The following SMC3 variants were observed in gnomAD, a reference collection of about 807,000 sequenced individuals.
SMC3 encodes structural maintenance of chromosomes 3.
In SMC3, 20 loss-of-function variants were observed where a neutral mutation model predicts 171.8. That is an observed-to-expected ratio of 0.12 (90% CI 0.08 to 0.17). The LOEUF is 0.17. Among genes scored for constraint, SMC3 ranks in the 10% least tolerant of loss-of-function variants. The pLI, the probability that SMC3 is intolerant of heterozygous loss-of-function variation, is 1.00. For missense variants in SMC3, 543 were observed against 1,420.4 expected (o/e 0.38, Z 9.93); for synonymous variants, 464 against 451.1 (o/e 1.03, Z -0.36).
intron 2 of SMC3, among the ~76,000 whole-genome samples, chr10:110,571,640 T>C (rs1860874439): frequency 6.6e-6 from 1 of 152,200 alleles, no homozygotes; most frequent in African/African-American, 2.4e-5. Context: ...CTACCAGAGG[T>C]ATTAGGAGAC....
intron 18 of SMC3, among the ~76,000 whole-genome samples, chr10:110,595,637 G>A (rs963033990): frequency 6.6e-6 from 1 of 152,124 alleles, no homozygotes; most frequent in African/African-American, 2.4e-5. Flanking sequence ...TTTCAAAATG[G>A]TGATTCATAA....
At chr10:110,600,895 A>T (rs1335320712) in intron 22 of SMC3, 127 bp from the exon 23 acceptor site, 1 of 710,362 alleles carries the variant, frequency 1.4e-6, no homozygotes, top group East Asian at 2.7e-5. Context: ...GATACTTCTA[A>T]GTATTTGTAA....
At chr10:110,585,704 C>T (rs1861102335) in intron 13 of SMC3, among the ~76,000 whole-genome samples, 1 of 151,598 alleles carries the variant, frequency 6.6e-6, no homozygotes, top group Non-Finnish European at 1.5e-5. Flanking sequence ...TTTTTCTTGA[C>T]TTTTGGGACT....
At chr10:110,570,500 T>TA (rs1860854721) in intron 2 of SMC3, among the ~76,000 whole-genome samples, 1 of 152,214 alleles carries the variant, frequency 6.6e-6, no homozygotes, top group Non-Finnish European at 1.5e-5. Context: ...TAGGGTGGCT[T>TA]AATTGTACTG....
chr10:110,590,008 C>A lies in SMC3; in HGVS notation c.1509+17C>A. The A allele has an allele frequency of 6.3e-7, 1 of 1,599,938 alleles. No individual in the cohort carries two copies. Among genetic ancestry groups the A allele is most frequent in the South Asian group, 1.1e-5 (1 of 90,772 alleles). On this transcript the variant is annotated intron_variant, in intron 15 of 28. Transcript: ENST00000361804. ...ACAGGAAAGGTGGGCAGGTTCTTTT[C>A]ATCACCTCTGTTTACACTGAGTCAT...
Position 110,589,625 on chromosome 10 carries a change from T to C in SMC3, c.1326T>C (p.Asn442=), listed in dbSNP as rs770991918. The change falls in exon 14 of 29, where the codon AAT becomes AAC. Residue 442 remains asparagine, a synonymous_variant. Transcript: ENST00000361804. The part of the protein sequence containing the change: ...EQYNKLDQDL[N]EVKARVEELD... ...CATAGAAACTGGACCAGGATCTTAA[T>C]GAAGTCAAAGCTCGAGTAGAAGAAC... is the stretch of plus-strand genomic sequence containing the variant. 8 of 1,607,800 alleles carry C rather than the reference T, an allele frequency of 5.0e-6. No individual in the cohort carries two copies. Among genetic ancestry groups the C allele is most frequent in the Non-Finnish European group, 6.8e-6 (8 of 1,174,892 alleles).
At chr10:110,596,855 C>A (rs1861308030) in intron 19 of SMC3, among the ~76,000 whole-genome samples, 1 of 149,090 alleles carries the variant, frequency 6.7e-6, no homozygotes, top group African/African-American at 2.4e-5. Context: ...CAAGTAAAAC[C>A]TTGGTAGTTT....
Position 110,578,658 on chromosome 10 carries a change from C to A in SMC3, c.381C>A (p.Ser127Arg). Residue 127 changes from serine (S) to arginine (R), a missense_variant, in exon 7 of 29, where the codon AGC (serine) becomes AGA (arginine). By Grantham distance (110) the Ser-to-Arg change is moderately radical (BLOSUM62 -1). This residue lies in a region of SMC3 where 146 missense variants were observed against 437.9 expected (regional missense o/e 0.33). Transcript: ENST00000361804. ...TKNDVMNLLE[S>R]AGFSRSNPYY... ...ATGATGTGATGAACCTCCTTGAAAG[C>A]GCTGGTTTTTCTCGAAGCAATCCTT... 6.2e-7 allele frequency: 1 copy of A among 1,610,654 alleles called. No individual in the cohort carries two copies. Among genetic ancestry groups the A allele is most frequent in the Non-Finnish European group, 8.5e-7 (1 of 1,177,994 alleles).
rs1016519717 is a variant in SMC3, at chr10:110,597,431, T to C, written c.2117-708T>C. 1.2e-4 allele frequency among the ~76,000 whole-genome samples: 19 copies of C among 152,270 alleles called. No homozygotes were observed. In the East Asian group the frequency reaches 2.5e-3, roughly 20 times the overall value. On this transcript the variant is annotated intron_variant, in intron 19 of 28. Coordinates refer to ENST00000361804, the MANE Select transcript of SMC3 (RefSeq NM_005445.4). ...ATTTTGCCACACAAGTTGAAAAATA[T>C]AGGTACTTGAGCATCAAGAATAGAT... is the stretch of plus-strand genomic sequence containing the variant.
chr10:110,582,482 A>G (rs1861046936), intron 9 of SMC3, 80 bp from the exon 10 acceptor site: 2 of 1,012,038 alleles, frequency 2.0e-6, no homozygotes, highest in Non-Finnish European at 2.9e-6. Flanking sequence ...TTATTTTAAT[A>G]GAAAAATTTT....
At position 110,598,305 on chromosome 10, in the gene SMC3, C is replaced by G. The variant is rs1564794838; in HGVS notation, c.2268+15C>G. Reference sequence around the variant, plus strand: ...TCATGCCTAAGGTTCGTAAGTATATCTTTGGTTATAGATCGATTGTTACAG... The same window carrying G: ...TCATGCCTAAGGTTCGTAAGTATATGTTTGGTTATAGATCGATTGTTACAG... On this transcript the variant is annotated intron_variant, in intron 20 of 28. Coordinates refer to ENST00000361804, the MANE Select transcript of SMC3 (RefSeq NM_005445.4). The G allele has an allele frequency of 3.7e-6, 6 of 1,610,818 alleles. No individual in the cohort carries two copies. The highest frequency in any genetic ancestry group is 5.1e-6 in the Non-Finnish European group (6 of 1,177,280).
intron 23 of SMC3, 68 bp downstream of exon 23, chr10:110,601,198 A>G: frequency 1.8e-6 from 2 of 1,093,646 alleles, no homozygotes; most frequent in South Asian, 1.2e-5. Flanking sequence ...ACAGAATGAA[A>G]TGTCCAAATA....
At chr10:110,570,284 C>T (rs1860850647) in intron 2 of SMC3, among the ~76,000 whole-genome samples, 2 of 152,090 alleles carry the variant, frequency 1.3e-5, no homozygotes, top group South Asian at 2.1e-4. Context: ...GTCTGTGGTG[C>T]GTGGGTGAGA....
intron 3 of SMC3, among the ~76,000 whole-genome samples, chr10:110,574,513 ACT>A (rs1860918382): frequency 6.6e-6 from 1 of 152,084 alleles, no homozygotes; most frequent in Non-Finnish European, 1.5e-5. Context: ...TCTGAAAGGC[ACT>A]CTCTAGCCTG....
intron 18 of SMC3, among the ~76,000 whole-genome samples, chr10:110,595,793 A>G (rs181445761): frequency 6.6e-6 from 1 of 151,512 alleles, no homozygotes; most frequent in Non-Finnish European, 1.5e-5. Flanking sequence ...TGTTATTTTG[A>G]TGCTCAAATT....
intron 19 of SMC3, among the ~76,000 whole-genome samples, chr10:110,596,803 CAAAG>C (rs1414263761): frequency 1.3e-5 from 2 of 148,846 alleles, no homozygotes; most frequent in Admixed American, 6.7e-5. Context: ...TTGTATCAGG[CAAAG>C]AAAGAGGAAA....
rs1023193041 is a variant in SMC3 at position 110,589,827 on chromosome 10, T to G, written c.1410-65T>G. On this transcript the variant is annotated intron_variant, in intron 14 of 28. Coordinates refer to ENST00000361804, the MANE Select transcript of SMC3 (RefSeq NM_005445.4). Reference sequence around the variant, plus strand: ...TGTTTTCTGTATTTTGATTCTAAACTGTATACTGTTAATGCATCCTCATAT... The same window carrying G: ...TGTTTTCTGTATTTTGATTCTAAACGGTATACTGTTAATGCATCCTCATAT... 5 of 1,520,832 alleles carry G rather than the reference T, an allele frequency of 3.3e-6. No individual in the cohort carries two copies. The East Asian group carries it at 1.1e-4, about 34-fold the overall frequency. 94.2% of individuals were successfully genotyped at this position (1,520,832 alleles called of 1,614,324 possible).
At chr10:110,598,431 GTCTCTT>G (rs1861333814) in intron 20 of SMC3, 141 bp downstream of exon 20, 1 of 808,242 alleles carries the variant, frequency 1.2e-6, no homozygotes, top group Non-Finnish European at 2.0e-6. Flanking sequence ...TGAAGACAGA[GTCTCTT>G]TCTGTCTCAC....
At chr10:110,589,423 CCACACACCACAGTTAAGACAA>C (rs1278838021) in intron 13 of SMC3, among the ~76,000 whole-genome samples, 161 bp from the exon 14 acceptor site, 2 of 152,052 alleles carry the variant, frequency 1.3e-5, no homozygotes, top group Admixed American at 1.3e-4. Flanking sequence ...AGTTAAGACA[CCACACACCACAGTTAAGACAA>C]TAAACACGTT....
Sources: allele counts gnomAD v4.1 joint callset (sites outside exome capture counted in the v4.1 genomes callset), GRCh38; gene constraint gnomAD v4.1.1; regional missense constraint gnomAD v4.1.1; transcripts MANE v1.5; gene names NCBI Gene and HGNC (gene_info 2026-07-23, HGNC 2026-07-21).